Variants in CDPF1 observed in about 807,000 individuals in gnomAD.
The protein encoded by CDPF1 is cysteine-rich DPF motif domain-containing protein 1.
A neutral mutation model predicts 8.3 loss-of-function variants in CDPF1; 8 were observed. The observed-to-expected ratio is 0.96, with a 90% CI of 0.57 to 1.74. The LOEUF (loss-of-function observed/expected upper bound fraction) is 1.74, where lower values mean the gene tolerates loss of function less well. CDPF1 is among the 40% of genes most tolerant of loss of function. The pLI, the probability that CDPF1 is intolerant of heterozygous loss-of-function variation, is 0.00. For missense variants in CDPF1, 151 were observed against 155.3 expected (o/e 0.97, Z 0.15); for synonymous variants, 62 against 62.9 (o/e 0.99, Z 0.07).
In CDPF1 at chr22:46,246,704, A is replaced by C. The variant is rs778442444; in HGVS notation, c.225+406T>G. The C allele has an allele frequency of 1.9e-6, 3 of 1,594,694 alleles. No individual in the cohort carries two copies. The South Asian group carries it at 3.4e-5, about 18-fold the overall frequency. ...AAGGGGCAGGACTGAATGAAGCCTCAGCAGTAAAACAGGTCCCAAGCACAG... is the reference window on the plus strand; with the variant it reads ...AAGGGGCAGGACTGAATGAAGCCTCCGCAGTAAAACAGGTCCCAAGCACAG... On this transcript the variant is annotated intron_variant, in intron 3 of 3. Coordinates refer to ENST00000314567, the MANE Select transcript of CDPF1 (RefSeq NM_207327.5). The surrounding 1 kb of genome is among the most constrained non-coding windows in gnomAD (Gnocchi z 7.1).
In CDPF1 at chr22:46,245,270, G is replaced by A; in HGVS notation, c.226-32C>T. ...GAAGTGGACAAGGATGGAGGCTTGA[G>A]TATCCTGGGAACATGGTGCAGCTCC... On this transcript the variant is annotated intron_variant, in intron 3 of 3. Transcript: ENST00000314567. The surrounding 1 kb of genome is among the most constrained non-coding windows in gnomAD (Gnocchi z 6.9). The A allele has an allele frequency of 6.2e-7, 1 of 1,610,822 alleles. No homozygotes were observed. Among genetic ancestry groups the A allele is most frequent in the African/African-American group, 1.3e-5 (1 of 74,940 alleles).
chr22:46,246,537 C>A lies in CDPF1; in HGVS notation c.225+573G>T. 1 of 1,063,416 alleles carries A rather than the reference C, an allele frequency of 9.4e-7. No homozygotes were observed. Among genetic ancestry groups the A allele is most frequent in the Non-Finnish European group, 1.3e-6 (1 of 741,124 alleles). 65.9% of individuals were successfully genotyped at this position (1,063,416 alleles called of 1,614,324 possible). A position where few individuals can be genotyped will look rare whatever the true frequency, so the allele number is the denominator to read the frequency against. Reference sequence around the variant, plus strand: ...CTGGGGTCACTCTGAGTACACTGGGCACGCTGTGAAAGCCATGCTGCTCCA... The same window carrying A: ...CTGGGGTCACTCTGAGTACACTGGGAACGCTGTGAAAGCCATGCTGCTCCA... On this transcript the variant is annotated intron_variant, in intron 3 of 3. Coordinates refer to ENST00000314567, the MANE Select transcript of CDPF1 (RefSeq NM_207327.5). The surrounding 1 kb of genome is among the most constrained non-coding windows in gnomAD (Gnocchi z 7.1).
Position 46,245,055 on chromosome 22 carries a change from T to A in CDPF1, c.*37A>T. 1 of 1,610,594 alleles carries A rather than the reference T, an allele frequency of 6.2e-7. No homozygotes were observed. Among genetic ancestry groups the A allele is most frequent in the South Asian group, 1.1e-5 (1 of 90,602 alleles). On this transcript the variant is annotated 3_prime_UTR_variant, in exon 4 of 4. Coordinates refer to ENST00000314567, the MANE Select transcript of CDPF1 (RefSeq NM_207327.5). This position sits in a 1 kb window ranked among gnomAD's most constrained non-coding sequence, Gnocchi z 6.9. Reference sequence around the variant, plus strand: ...GGCGCAGGCTGGCCCAGGAGCTCTGTGCAGGGTGCCGCCCGATGACCTAGC... The same window carrying A: ...GGCGCAGGCTGGCCCAGGAGCTCTGAGCAGGGTGCCGCCCGATGACCTAGC...
chr22:46,248,262 C>T lies in CDPF1; in HGVS notation c.23G>A (p.Arg8His), dbSNP rs199559994. The part of the protein sequence containing the change: MASHVEC[R>H]PLGVFECELC... ...TTCACACTCAAACACTCCCAGAGGACGGCACTCTACATGGGACGCCATCTG... is the reference window on the plus strand; with the variant it reads ...TTCACACTCAAACACTCCCAGAGGATGGCACTCTACATGGGACGCCATCTG... The change falls in exon 2 of 4, where the codon CGT becomes CAT. Residue 8 changes from arginine (R) to histidine (H), a missense_variant. Physicochemically the swap from Arg to His is conservative, Grantham distance 29. Transcript: ENST00000314567. This position sits in a 1 kb window ranked among gnomAD's most constrained non-coding sequence, Gnocchi z 4.1. 14 of 1,613,094 alleles carry T rather than the reference C, an allele frequency of 8.7e-6. No homozygotes were observed. The highest frequency in any genetic ancestry group is 1.2e-5 in the Non-Finnish European group (14 of 1,179,420).
Position 46,247,332 on chromosome 22 carries a change from C to T in CDPF1, c.114-111G>A. 4.1e-6 allele frequency: 3 copies of T among 728,616 alleles called. No homozygotes were observed. Among genetic ancestry groups the T allele is most frequent in the Non-Finnish European group, 7.3e-6 (3 of 410,904 alleles). The allele number at this position is 728,616 out of a possible 1,614,324, so 45.1% of individuals were successfully genotyped here. A position where few individuals can be genotyped will look rare whatever the true frequency, so the allele number is the denominator to read the frequency against. ...CCTGCACCTCTGCAGGGCCTGCATA[C>T]CTGCGTGGGCTCATCAGGGCAGGGG... On this transcript the variant is annotated intron_variant, in intron 2 of 3. Coordinates refer to ENST00000314567, the MANE Select transcript of CDPF1 (RefSeq NM_207327.5). The surrounding 1 kb of genome is among the most constrained non-coding windows in gnomAD (Gnocchi z 4.3).
Position 46,244,744 on chromosome 22 carries a change from C to A in CDPF1, c.*348G>T, listed in dbSNP as rs1936459136. ...AGTGTGGCATCTCCCCCCACACGCA[C>A]CTGCACGCAGCCTCTTAGGAGCTGC... On this transcript the variant is annotated 3_prime_UTR_variant, in exon 4 of 4. Coordinates refer to ENST00000314567, the MANE Select transcript of CDPF1 (RefSeq NM_207327.5). The surrounding 1 kb of genome is among the most constrained non-coding windows in gnomAD (Gnocchi z 6.7). 7.6e-6 allele frequency: 2 copies of A among 262,662 alleles called. No individual in the cohort carries two copies. The highest frequency in any genetic ancestry group is 1.0e-4 in the South Asian group (2 of 19,178). 16.3% of individuals were successfully genotyped at this position (262,662 alleles called of 1,614,324 possible).
Position 46,246,359 on chromosome 22 carries a change from C to T in CDPF1, c.225+751G>A, listed in dbSNP as rs940223475. 4.5e-4 allele frequency among the ~76,000 whole-genome samples: 69 copies of T among 151,822 alleles called. No individual in the cohort carries two copies. Among genetic ancestry groups the T allele is most frequent in the African/African-American group, 1.6e-3 (66 of 41,366 alleles). ...TTGCAGTCTTCCTTTCCCAGCTTCTCCTGGACCACCAGCTCCTCCATGAGC... is the reference window on the plus strand; with the variant it reads ...TTGCAGTCTTCCTTTCCCAGCTTCTTCTGGACCACCAGCTCCTCCATGAGC... On this transcript the variant is annotated intron_variant, in intron 3 of 3. Coordinates refer to ENST00000314567, the MANE Select transcript of CDPF1 (RefSeq NM_207327.5). The surrounding 1 kb of genome is among the most constrained non-coding windows in gnomAD (Gnocchi z 7.1).
At position 46,248,084 on chromosome 22, in the gene CDPF1, G is replaced by A. The variant is rs1936518977; in HGVS notation, c.113+88C>T. On this transcript the variant is annotated intron_variant, in intron 2 of 3. Transcript: ENST00000314567. This position sits in a 1 kb window ranked among gnomAD's most constrained non-coding sequence, Gnocchi z 4.1. ...GGGTGGGGTCTAAAGCTCCACACCT[G>A]AGACAGTTGTCAGACCTAGGCACAC... 2 of 845,050 alleles carry A rather than the reference G, an allele frequency of 2.4e-6. No homozygotes were observed. Among genetic ancestry groups the A allele is most frequent in the Non-Finnish European group, 3.8e-6 (2 of 523,904 alleles). The allele number at this position is 845,050 out of a possible 1,614,324, so 52.3% of individuals were successfully genotyped here.
At position 46,245,727 on chromosome 22, in the gene CDPF1, C is replaced by A. The variant is rs1214242022; in HGVS notation, c.226-489G>T. ...TGCAGCCATGTCCGCTCTCCTCTCT[C>A]TTACACACTAGAACTCCCGAGATTC... On this transcript the variant is annotated intron_variant, in intron 3 of 3. Transcript: ENST00000314567. This position sits in a 1 kb window ranked among gnomAD's most constrained non-coding sequence, Gnocchi z 6.9. Among the ~76,000 whole-genome samples, 1 of 152,242 alleles carries A rather than the reference C, an allele frequency of 6.6e-6. No individual in the cohort carries two copies. The highest frequency in any genetic ancestry group is 1.5e-5 in the Non-Finnish European group (1 of 68,040).
Position 46,247,053 on chromosome 22 carries a change from G to A in CDPF1, c.225+57C>T. On this transcript the variant is annotated intron_variant, in intron 3 of 3. Coordinates refer to ENST00000314567, the MANE Select transcript of CDPF1 (RefSeq NM_207327.5). The surrounding 1 kb of genome is among the most constrained non-coding windows in gnomAD (Gnocchi z 4.3). ...TCTCCCAGCCCTCCCTACCCAGGGA[G>A]AGCTCCAGGATAACCACAGCAAGGA... The A allele has an allele frequency of 4.8e-6, 7 of 1,461,406 alleles. No homozygotes were observed. Among genetic ancestry groups the A allele is most frequent in the Non-Finnish European group, 6.7e-6 (7 of 1,052,404 alleles). 90.5% of individuals were successfully genotyped at this position (1,461,406 alleles called of 1,614,324 possible).
At position 46,245,512 on chromosome 22, in the gene CDPF1, G is replaced by A. The variant is rs557848609; in HGVS notation, c.226-274C>T. Among the ~76,000 whole-genome samples, 7 of 152,310 alleles carry A rather than the reference G, an allele frequency of 4.6e-5. No homozygotes were observed. In the East Asian group the frequency reaches 5.8e-4, roughly 13 times the overall value. ...TCTGGGGCCTGCTCTGCTCCATCAC[G>A]GGGCAGTGACAACAATGGAAAGCTG... On this transcript the variant is annotated intron_variant, in intron 3 of 3. Coordinates refer to ENST00000314567, the MANE Select transcript of CDPF1 (RefSeq NM_207327.5). The surrounding 1 kb of genome is among the most constrained non-coding windows in gnomAD (Gnocchi z 6.9).
chr22:46,246,421 C>A lies in CDPF1; in HGVS notation c.225+689G>T, dbSNP rs1316605130. Among the ~76,000 whole-genome samples the A allele has an allele frequency of 6.6e-6, 1 of 152,190 alleles. No homozygotes were observed. Among genetic ancestry groups the A allele is most frequent in the Non-Finnish European group, 1.5e-5 (1 of 68,034 alleles). ...CCATGCCACACTGCGGAGGCTCCTC[C>A]CACCCTGGCCCATCTCGTCCCCCTG... On this transcript the variant is annotated intron_variant, in intron 3 of 3. Transcript: ENST00000314567. The surrounding 1 kb of genome is among the most constrained non-coding windows in gnomAD (Gnocchi z 7.1).
At position 46,247,084 on chromosome 22, in the gene CDPF1, G is replaced by A; in HGVS notation, c.225+26C>T. 6.4e-7 allele frequency: 1 copy of A among 1,568,012 alleles called. No individual in the cohort carries two copies. The highest frequency in any genetic ancestry group is 8.8e-7 in the Non-Finnish European group (1 of 1,140,434). On this transcript the variant is annotated intron_variant, in intron 3 of 3. Coordinates refer to ENST00000314567, the MANE Select transcript of CDPF1 (RefSeq NM_207327.5). The surrounding 1 kb of genome is among the most constrained non-coding windows in gnomAD (Gnocchi z 4.3). ...CAGGATAACCACAGCAAGGACAGGT[G>A]GCCCCAGCCCACGCTGCTTACCCAC... is the stretch of plus-strand genomic sequence containing the variant.
Position 46,249,371 on chromosome 22 carries a change from C to T in CDPF1, c.-1+885G>A, listed in dbSNP as rs561993668. Among the ~76,000 whole-genome samples the T allele has an allele frequency of 1.3e-5, 2 of 152,086 alleles. No individual in the cohort carries two copies. Among genetic ancestry groups the T allele is most frequent in the African/African-American group, 4.8e-5 (2 of 41,414 alleles). ...GTGACTTTAAAAGTTAAGTCTGGCC[C>T]GGTGTGGTTGCTCATACCTGTAATC... is the stretch of plus-strand genomic sequence containing the variant. On this transcript the variant is annotated intron_variant, in intron 1 of 3. Coordinates refer to ENST00000314567, the MANE Select transcript of CDPF1 (RefSeq NM_207327.5). The surrounding 1 kb of genome is among the most constrained non-coding windows in gnomAD (Gnocchi z 4.6).
In CDPF1 at chr22:46,245,069, C is replaced by T. The variant is rs1459399207; in HGVS notation, c.*23G>A. 61 of 1,613,016 alleles carry T rather than the reference C, an allele frequency of 3.8e-5. No individual in the cohort carries two copies. The highest frequency in any genetic ancestry group is 4.9e-5 in the Non-Finnish European group (58 of 1,179,348). ...CAGGAGCTCTGTGCAGGGTGCCGCC[C>T]GATGACCTAGCCCCAGTTGCACTCA... On this transcript the variant is annotated 3_prime_UTR_variant, in exon 4 of 4. Transcript: ENST00000314567. This position sits in a 1 kb window ranked among gnomAD's most constrained non-coding sequence, Gnocchi z 6.9.
At position 46,248,794 on chromosome 22, in the gene CDPF1, G is replaced by A. The variant is rs1286413730; in HGVS notation, c.1-510C>T. Among the ~76,000 whole-genome samples the A allele has an allele frequency of 6.6e-6, 1 of 152,212 alleles. No individual in the cohort carries two copies. Among genetic ancestry groups the A allele is most frequent in the Non-Finnish European group, 1.5e-5 (1 of 68,040 alleles). On this transcript the variant is annotated intron_variant, in intron 1 of 3. Transcript: ENST00000314567. The surrounding 1 kb of genome is among the most constrained non-coding windows in gnomAD (Gnocchi z 4.1). ...CCAGCACTTTGGGAGGCCAAGGCAG[G>A]CGGATCACGAGGTCAGGAGATCGAG...
In CDPF1 at chr22:46,245,152, G is replaced by T. The variant is rs1038164792; in HGVS notation, c.312C>A (p.Asp104Glu). The T allele has an allele frequency of 1.2e-6, 2 of 1,614,134 alleles. No individual in the cohort carries two copies. Among genetic ancestry groups the T allele is most frequent in the Non-Finnish European group, 1.7e-6 (2 of 1,180,048 alleles). The change falls in exon 4 of 4, where the codon GAC (aspartate) becomes GAA (glutamate). Residue 104 changes from aspartate (D) to glutamate (E), a missense_variant. Transcript: ENST00000314567. This position sits in a 1 kb window ranked among gnomAD's most constrained non-coding sequence, Gnocchi z 6.9. Reference protein sequence around the residue: ...INAFPQEIRQDLEKRKAPSKR... With the variant: ...INAFPQEIRQELEKRKAPSKR... ...TTGATGGAGCTTTCCTTTTCTCCAA[G>T]TCTTGCCGAATTTCCTGAGGAAAAG...
rs1936511865 is a variant in CDPF1, at chr22:46,247,636, C to G, written c.114-415G>C. 6.6e-6 allele frequency among the ~76,000 whole-genome samples: 1 copy of G among 152,086 alleles called. No homozygotes were observed. Among genetic ancestry groups the G allele is most frequent in the Non-Finnish European group, 1.5e-5 (1 of 68,004 alleles). ...AGCCAGCTGGCCTCATGCTACACAT[C>G]AGAATGAGACCCCAGGGTGACATGA... On this transcript the variant is annotated intron_variant, in intron 2 of 3. Coordinates refer to ENST00000314567, the MANE Select transcript of CDPF1 (RefSeq NM_207327.5). This position sits in a 1 kb window ranked among gnomAD's most constrained non-coding sequence, Gnocchi z 4.3.
In CDPF1 at chr22:46,245,756, A is replaced by C. The variant is rs931829764; in HGVS notation, c.226-518T>G. ...CACACTAGAACTCCCGAGATTCATCACGGTGCACAGCACGTGGCTAAGGAT... is the reference window on the plus strand; with the variant it reads ...CACACTAGAACTCCCGAGATTCATCCCGGTGCACAGCACGTGGCTAAGGAT... On this transcript the variant is annotated intron_variant, in intron 3 of 3. Coordinates refer to ENST00000314567, the MANE Select transcript of CDPF1 (RefSeq NM_207327.5). The surrounding 1 kb of genome is among the most constrained non-coding windows in gnomAD (Gnocchi z 6.9). Among the ~76,000 whole-genome samples the C allele has an allele frequency of 6.6e-6, 1 of 152,188 alleles. No individual in the cohort carries two copies. Among genetic ancestry groups the C allele is most frequent in the Non-Finnish European group, 1.5e-5 (1 of 68,012 alleles).
Sources: gnomAD v4.1 joint callset for allele counts (sites outside exome capture counted in the v4.1 genomes callset) on GRCh38, gnomAD v4.1.1 for gene constraint, Gnocchi (gnomAD v3.1) non-coding constraint, MANE v1.5 for transcripts, NCBI Gene and HGNC (gene_info 2026-07-23, HGNC 2026-07-21) for gene names.